SLC2A9: variants seen among roughly 807,000 people sequenced by gnomAD.
The protein encoded by SLC2A9 is solute carrier family 2, facilitated glucose transporter member 9.
SLC2A9 carries 39 observed loss-of-function variants against 50.6 expected under a neutral mutation model. That is an observed-to-expected ratio of 0.77 (90% CI 0.60 to 1.01). The LOEUF is 1.01. Among genes scored for constraint, SLC2A9 ranks in the 50% least tolerant of loss-of-function variants. The pLI, the probability that SLC2A9 is intolerant of heterozygous loss-of-function variation, is 0.00. For missense variants in SLC2A9, 686 were observed against 677.6 expected (o/e 1.01, Z -0.14); for synonymous variants, 324 against 276.9 (o/e 1.17, Z -1.69).
chr4:9,959,125 C>T (rs1751811859), intron 5 of SLC2A9, among the ~76,000 whole-genome samples: 1 of 151,312 alleles, frequency 6.6e-6, no homozygotes, highest in South Asian at 2.1e-4. Context: ...GCAGGTGGAT[C>T]ACTTGAGGTT....
At position 9,993,114 on chromosome 4, in the gene SLC2A9, C is replaced by T. The variant is rs1578229413; in HGVS notation, c.410+3667G>A. Among the ~76,000 whole-genome samples, 3 of 152,206 alleles carry T rather than the reference C, an allele frequency of 2.0e-5. No homozygotes were observed. In the South Asian group the frequency reaches 6.2e-4, roughly 31 times the overall value. ...CCAGTGCCAAAAACAGTACCTTACT[C>T]CTTGTAGGTGCTCAAAAATGTTTGT... On this transcript the variant is annotated intron_variant, in intron 3 of 11. Coordinates refer to ENST00000264784, the MANE Select transcript of SLC2A9 (RefSeq NM_020041.3).
At chr4:9,881,984 T>A (rs1288226079) in intron 10 of SLC2A9, among the ~76,000 whole-genome samples, 1 of 152,172 alleles carries the variant, frequency 6.6e-6, no homozygotes, top group African/African-American at 2.4e-5. Flanking sequence ...AGACTTCATT[T>A]CAAAACCAAG....
chr4:10,036,837 G>C (rs563551287), intron 1 of SLC2A9, among the ~76,000 whole-genome samples: 1 of 152,170 alleles, frequency 6.6e-6, no homozygotes, highest in Non-Finnish European at 1.5e-5. Flanking sequence ...CTCTTGATGC[G>C]TATTGATCTT....
At chr4:9,937,736 GC>G (rs1189622616) in intron 6 of SLC2A9, among the ~76,000 whole-genome samples, 1 of 152,184 alleles carries the variant, frequency 6.6e-6, no homozygotes, top group African/African-American at 2.4e-5. Flanking sequence ...TCCAGGTAAG[GC>G]CACCACAGAC....
chr4:10,021,270 C>G lies in SLC2A9; in HGVS notation c.150+10G>C. ...CCCGCCAGCCATGCAGAAAAGCTGT[C>G]CGTAGTTACCTTTCTTCTCCTTCCA... On this transcript the variant is annotated intron_variant, in intron 1 of 11. Transcript: ENST00000264784. 2 of 1,612,986 alleles carry G rather than the reference C, an allele frequency of 1.2e-6. No individual in the cohort carries two copies. The highest frequency in any genetic ancestry group is 1.7e-6 in the Non-Finnish European group (2 of 1,179,934).
upstream of SLC2A9, among the ~76,000 whole-genome samples, chr4:10,023,836 C>T (rs1429198244): frequency 6.6e-6 from 1 of 152,228 alleles, no homozygotes. Context: ...CATGGAGGAG[C>T]CTGCCTCCAA....
At chr4:9,976,963 G>C (rs1171132841) in intron 5 of SLC2A9, among the ~76,000 whole-genome samples, 1 of 152,134 alleles carries the variant, frequency 6.6e-6, no homozygotes, top group Non-Finnish European at 1.5e-5. Flanking sequence ...AGACGCCTGA[G>C]AGTTATTTTT....
chr4:10,001,027 C>T (rs1276029568), intron 2 of SLC2A9, among the ~76,000 whole-genome samples: 1 of 152,104 alleles, frequency 6.6e-6, no homozygotes, highest in Non-Finnish European at 1.5e-5. Flanking sequence ...CAGAATGGGT[C>T]CTTATTTGAA....
rs147999868 is a variant in SLC2A9, at chr4:9,789,799, G to C, written n.386-9734C>G. 5.1e-3 allele frequency among the ~76,000 whole-genome samples: 775 copies of C among 152,236 alleles called. 12 individuals carry two copies. The highest frequency in any genetic ancestry group is 0.02 in the Middle Eastern group (6 of 294). ...AAGGGATACATGTCTCCCATTTGTG[G>C]GATATTAATAATACAATGCCAGTTC... On this transcript the variant is annotated intron_variant and non_coding_transcript_variant, in intron 3 of 3. Coordinates refer to the SLC2A9 transcript ENST00000503803.
intron 8 of SLC2A9, among the ~76,000 whole-genome samples, chr4:9,904,802 C>T (rs199502126): frequency 7.6e-6 from 1 of 132,134 alleles, no homozygotes. Flanking sequence ...ACACTCTCAA[C>T]CTCATGCTGA....
chr4:10,006,180 A>G (rs1269435620), intron 2 of SLC2A9, among the ~76,000 whole-genome samples: 4 of 152,242 alleles, frequency 2.6e-5, no homozygotes, highest in Non-Finnish European at 5.9e-5. Flanking sequence ...GCCTCTGGAC[A>G]TAAAATTGAA....
At chr4:9,927,585 G>T (rs965018639) in intron 6 of SLC2A9, among the ~76,000 whole-genome samples, 3 of 152,196 alleles carry the variant, frequency 2.0e-5, no homozygotes, top group Admixed American at 6.5e-5. Flanking sequence ...AAAAATAGGA[G>T]ATTTCATCAA....
chr4:9,953,342 A>G (rs757406632), intron 5 of SLC2A9, among the ~76,000 whole-genome samples: 16 of 152,184 alleles, frequency 1.1e-4, no homozygotes, highest in Non-Finnish European at 2.2e-4. Flanking sequence ...CCTGTCTCAA[A>G]TCTCAGCCAC....
intron 1 of SLC2A9, among the ~76,000 whole-genome samples, chr4:10,031,411 C>T (rs112395808): frequency 6.6e-6 from 1 of 152,216 alleles, no homozygotes; most frequent in Non-Finnish European, 1.5e-5. Context: ...GCATTATTTA[C>T]GGATCCAATC....
chr4:10,011,995 C>G (rs1761841452), intron 2 of SLC2A9, among the ~76,000 whole-genome samples: 1 of 152,214 alleles, frequency 6.6e-6, no homozygotes, highest in Non-Finnish European at 1.5e-5. Context: ...AACCCTAGAC[C>G]ACCATCTGTT....
At chr4:9,879,245 G>A in intron 10 of SLC2A9, 1 of 985,422 alleles carries the variant, frequency 1.0e-6, no homozygotes, top group Middle Eastern at 5.2e-4. Context: ...GTCTCAAGAT[G>A]CAGTATGAGC....
intron 5 of SLC2A9, among the ~76,000 whole-genome samples, chr4:9,946,994 G>T (rs1054104978): frequency 1.3e-5 from 2 of 152,174 alleles, no homozygotes; most frequent in East Asian, 1.9e-4. Context: ...CTTCCTCCAA[G>T]CCTGCTTTAG....
At chr4:9,862,373 T>C (rs376405315) in intron 10 of SLC2A9, among the ~76,000 whole-genome samples, 8 of 152,234 alleles carry the variant, frequency 5.3e-5, no homozygotes, top group Non-Finnish European at 1.2e-4. Context: ...CAACATTTAC[T>C]GTTCTTTCTC....
chr4:10,000,927 C>T (rs1272543084), intron 2 of SLC2A9, among the ~76,000 whole-genome samples: 1 of 152,170 alleles, frequency 6.6e-6, no homozygotes, highest in Non-Finnish European at 1.5e-5. Flanking sequence ...TCAACTAATC[C>T]ACCCTCACTC....
Sources: allele counts gnomAD v4.1 joint callset (sites outside exome capture counted in the v4.1 genomes callset), GRCh38; gene constraint gnomAD v4.1.1; transcripts MANE v1.5; gene names NCBI Gene and HGNC (gene_info 2026-07-23, HGNC 2026-07-21).